The following RSPO2 variants were observed in gnomAD, a reference collection of about 807,000 sequenced individuals.
RSPO2 encodes R-spondin-2.
A neutral mutation model predicts 30.9 loss-of-function variants in RSPO2; 14 were observed. The observed-to-expected ratio is 0.45, with a 90% confidence interval of 0.30 to 0.71. The LOEUF is 0.71. Ranked by LOEUF, RSPO2 falls within the 30% of genes least tolerant of loss-of-function variation. The probability of loss-of-function intolerance (pLI) is 0.08; values close to 1 mark genes in which losing one functional copy is unlikely to be tolerated. For synonymous variants in RSPO2, 107 were observed against 96.4 expected, an observed-to-expected ratio of 1.11 and a Z score of -0.64; for missense variants, 264 against 301.9, an observed-to-expected ratio of 0.87 and a Z score of 0.93.
intron 2 of RSPO2, among the ~76,000 whole-genome samples, chr8:108,070,752 A>G (rs538519586): frequency 2.0e-4 from 31 of 152,270 alleles, no homozygotes; most frequent in African/African-American, 7.5e-4. Context: ...GAGTGTTGTC[A>G]AGTCACCAGC....
chr8:107,930,585 G>C (rs1209390366), intron 5 of RSPO2, among the ~76,000 whole-genome samples: 1 of 152,096 alleles, frequency 6.6e-6, no homozygotes, highest in Non-Finnish European at 1.5e-5. Context: ...GATACATTCT[G>C]AACCACAAAG....
At chr8:107,902,469 A>C (rs1416121367) in intron 5 of RSPO2, among the ~76,000 whole-genome samples, 1 of 152,148 alleles carries the variant, frequency 6.6e-6, no homozygotes. Flanking sequence ...TTCCAGGCAT[A>C]TAGCAGGCCA....
At chr8:108,060,639 A>G (rs533706578) in intron 2 of RSPO2, among the ~76,000 whole-genome samples, 2 of 151,954 alleles carry the variant, frequency 1.3e-5, no homozygotes, top group Admixed American at 1.3e-4. Context: ...AACTTCCCCA[A>G]TCTAGCAAGG....
At chr8:108,063,399 A>C (rs1050958830) in intron 2 of RSPO2, among the ~76,000 whole-genome samples, 1 of 151,906 alleles carries the variant, frequency 6.6e-6, no homozygotes, top group Non-Finnish European at 1.5e-5. Context: ...AGACAAAAAG[A>C]GAGCCAAATC....
chr8:107,994,292 A>AG (rs1814942824), intron 2 of RSPO2, among the ~76,000 whole-genome samples: 1 of 152,196 alleles, frequency 6.6e-6, no homozygotes, highest in African/African-American at 2.4e-5. Flanking sequence ...AAGCATATAA[A>AG]GGCTATGTGC....
At chr8:108,000,104 C>T (rs751486121) in intron 2 of RSPO2, among the ~76,000 whole-genome samples, 20 of 152,104 alleles carry the variant, frequency 1.3e-4, no homozygotes, top group Non-Finnish European at 1.5e-4. Context: ...CAAGGAAAGA[C>T]GATGAACTGA....
At chr8:108,005,787 G>T (rs1815433706) in intron 2 of RSPO2, among the ~76,000 whole-genome samples, 1 of 152,148 alleles carries the variant, frequency 6.6e-6, no homozygotes, top group Admixed American at 6.6e-5. Context: ...GTCTTGAAGA[G>T]AATACAGGAG....
intron 2 of RSPO2, among the ~76,000 whole-genome samples, chr8:108,057,744 A>C (rs563265303): frequency 6.6e-6 from 1 of 152,310 alleles, no homozygotes; most frequent in South Asian, 2.1e-4. Context: ...GTGTATTCCT[A>C]GTTCTATTCC....
intron 3 of RSPO2, chr8:107,983,490 A>G (rs1387169017): frequency 1.3e-6 from 2 of 1,598,800 alleles, no homozygotes; most frequent in Non-Finnish European, 1.7e-6. Context: ...CCACAGAGAA[A>G]TGTCTGCCTG....
At chr8:107,987,691 T>C (rs1309123486) in intron 3 of RSPO2, among the ~76,000 whole-genome samples, 11 of 152,150 alleles carry the variant, frequency 7.2e-5, no homozygotes, top group Admixed American at 2.0e-4. Context: ...AGAGTTCTTG[T>C]TCCCCAAATA....
intron 3 of RSPO2, among the ~76,000 whole-genome samples, chr8:107,975,188 T>C (rs769108479): frequency 1.3e-5 from 2 of 152,242 alleles, no homozygotes; most frequent in African/African-American, 2.4e-5. Flanking sequence ...TAGTATCTTG[T>C]GATCAAGAGA....
chr8:108,018,915 C>A (rs1810975029), intron 2 of RSPO2, among the ~76,000 whole-genome samples: 1 of 152,130 alleles, frequency 6.6e-6, no homozygotes, highest in African/African-American at 2.4e-5. Context: ...TATGTTATTG[C>A]ATAGATGCTT....
At chr8:108,015,045 C>T (rs1161708759) in intron 2 of RSPO2, among the ~76,000 whole-genome samples, 2 of 152,030 alleles carry the variant, frequency 1.3e-5, no homozygotes, top group East Asian at 1.9e-4. Flanking sequence ...GCTTCACTTG[C>T]TACATATTTT....
intron 3 of RSPO2, among the ~76,000 whole-genome samples, chr8:107,967,443 AAATT>A (rs998980815): frequency 3.9e-5 from 6 of 152,158 alleles, no homozygotes; most frequent in Admixed American, 3.9e-4. Context: ...GTATTGATAA[AAATT>A]ATTATACCTA....
chr8:108,040,899 C>A (rs1431565088), intron 2 of RSPO2, among the ~76,000 whole-genome samples: 1 of 152,036 alleles, frequency 6.6e-6, no homozygotes, highest in Non-Finnish European at 1.5e-5. Flanking sequence ...AAATTGCCAA[C>A]CTGTAGAAAA....
intron 2 of RSPO2, among the ~76,000 whole-genome samples, chr8:108,017,774 G>A (rs1284051177): frequency 6.6e-6 from 1 of 152,084 alleles, no homozygotes; most frequent in African/African-American, 2.4e-5. Flanking sequence ...TGAACGATTT[G>A]TCAATCTAGG....
chr8:108,054,781 T>A (rs886673285), intron 2 of RSPO2, among the ~76,000 whole-genome samples: 1 of 152,130 alleles, frequency 6.6e-6, no homozygotes, highest in Non-Finnish European at 1.5e-5. Flanking sequence ...AGGCCCCCTC[T>A]TGCCGCACCC....
intron 2 of RSPO2, among the ~76,000 whole-genome samples, chr8:108,029,401 G>A (rs1420557934): frequency 4.6e-5 from 7 of 151,956 alleles, no homozygotes; most frequent in Non-Finnish European, 1.0e-4. Flanking sequence ...GCACATAAGT[G>A]GCTGTTATCA....
intron 2 of RSPO2, among the ~76,000 whole-genome samples, chr8:108,053,837 A>G (rs1478285996): frequency 6.6e-6 from 1 of 152,168 alleles, no homozygotes; most frequent in African/African-American, 2.4e-5. Context: ...CACTTTATAT[A>G]CAGTGAATAC....
Sources: allele counts gnomAD v4.1 joint callset (sites outside exome capture counted in the v4.1 genomes callset), GRCh38; gene constraint gnomAD v4.1.1; transcripts MANE v1.5; gene names NCBI Gene and HGNC (gene_info 2026-07-23, HGNC 2026-07-21).